The following RGS6 variants were observed in gnomAD, a reference collection of about 807,000 sequenced individuals.
RGS6 encodes the protein regulator of G-protein signaling 6.
In RGS6, 30 loss-of-function variants were observed where a neutral mutation model predicts 78.5. The observed-to-expected ratio is 0.38, with a 90% CI of 0.29 to 0.52. The LOEUF is 0.52. RGS6 is among the 20% of genes least tolerant of loss of function. The probability of loss-of-function intolerance (pLI) is 0.85; values close to 1 mark genes in which losing one functional copy is unlikely to be tolerated. For synonymous variants in RGS6, 206 were observed against 206.0 expected (o/e 1.00, Z 0.00); for missense variants, 495 against 609.7 (o/e 0.81, Z 1.98).
In RGS6 at chr14:72,350,917, T is replaced by C. The variant is rs544423580; in HGVS notation, c.85-1178T>C. On this transcript the variant is annotated intron_variant, in intron 2 of 17. Coordinates refer to ENST00000553525, the MANE Select transcript of RGS6 (RefSeq NM_001204424.2). Reference sequence around the variant, plus strand: ...TACCTAGCACATAATAAATTTTTAATATATTTTAGCTATTTATGATGATGA... The same window carrying C: ...TACCTAGCACATAATAAATTTTTAACATATTTTAGCTATTTATGATGATGA... Among the ~76,000 whole-genome samples, 7 of 152,326 alleles carry C rather than the reference T, an allele frequency of 4.6e-5. No individual in the cohort carries two copies. The South Asian group carries it at 6.2e-4, about 14-fold the overall frequency.
At chr14:72,351,089 T>G (rs2079034624) in intron 2 of RGS6, among the ~76,000 whole-genome samples, 1 of 152,136 alleles carries the variant, frequency 6.6e-6, no homozygotes. Flanking sequence ...TAAGACTAAT[T>G]TCTAGCCTTA....
chr14:72,347,588 TC>T (rs558412044), intron 2 of RGS6, among the ~76,000 whole-genome samples: 61 of 152,190 alleles, frequency 4.0e-4, no homozygotes, highest in Non-Finnish European at 8.5e-4. Flanking sequence ...GATATAATAA[TC>T]TACCTCCTGT....
chr14:72,273,546 T>C (rs1026336552), intron 2 of RGS6, among the ~76,000 whole-genome samples: 1 of 152,172 alleles, frequency 6.6e-6, no homozygotes, highest in Non-Finnish European at 1.5e-5. Flanking sequence ...TGTTGAATAG[T>C]GCAAGGGCCC....
At chr14:71,948,182 T>G (rs2091811913) in intron 1 of RGS6, among the ~76,000 whole-genome samples, 1 of 151,040 alleles carries the variant, frequency 6.6e-6, no homozygotes, top group African/African-American at 2.5e-5. Flanking sequence ...TCACTAATAT[T>G]TCTACCCTCA....
At chr14:72,434,031 G>C (rs562472748) in intron 3 of RGS6, among the ~76,000 whole-genome samples, 2 of 152,190 alleles carry the variant, frequency 1.3e-5, no homozygotes, top group African/African-American at 4.8e-5. Flanking sequence ...AAATTCCAAC[G>C]TGTCCGTTAA....
chr14:72,500,476 G>C (rs1052903003), intron 13 of RGS6, among the ~76,000 whole-genome samples: 3 of 152,210 alleles, frequency 2.0e-5, no homozygotes, highest in Non-Finnish European at 4.4e-5. Flanking sequence ...AAATAATTGA[G>C]TCACTTTCTC....
the RGS6 span, among the ~76,000 whole-genome samples, chr14:71,921,254 A>G: frequency 6.6e-6 from 1 of 152,238 alleles, no homozygotes; most frequent in East Asian, 1.9e-4. Flanking sequence ...GTTGGTAGTA[A>G]TGTAAATTAG....
intron 14 of RGS6, among the ~76,000 whole-genome samples, chr14:72,517,567 C>A (rs1352210112): frequency 6.6e-6 from 1 of 152,198 alleles, no homozygotes; most frequent in African/African-American, 2.4e-5. Flanking sequence ...GAAGGAGAAC[C>A]ATTCTGCAGA....
intron 3 of RGS6, among the ~76,000 whole-genome samples, chr14:72,388,987 A>G (rs77093138): frequency 1.6e-4 from 25 of 152,244 alleles, no homozygotes; most frequent in Admixed American, 3.9e-4. Flanking sequence ...CTGTGATGTC[A>G]CATGCCTCAT....
At chr14:72,434,031 G>A (rs562472748) in intron 3 of RGS6, among the ~76,000 whole-genome samples, 12 of 152,308 alleles carry the variant, frequency 7.9e-5, no homozygotes, top group African/African-American at 2.2e-4. Context: ...AAATTCCAAC[G>A]TGTCCGTTAA....
At chr14:72,577,913 C>G in the RGS6 span, among the ~76,000 whole-genome samples, 1 of 152,220 alleles carries the variant, frequency 6.6e-6, no homozygotes, top group Non-Finnish European at 1.5e-5. Context: ...AAAGGAAGAT[C>G]AGAAGTAAGA....
At chr14:72,274,216 A>G (rs894701730) in intron 2 of RGS6, among the ~76,000 whole-genome samples, 1 of 152,206 alleles carries the variant, frequency 6.6e-6, no homozygotes, top group African/African-American at 2.4e-5. Flanking sequence ...TTCTGGCACT[A>G]TTCATCATTG....
At chr14:72,539,721 G>C (rs996855713) in intron 16 of RGS6, among the ~76,000 whole-genome samples, 2 of 152,172 alleles carry the variant, frequency 1.3e-5, no homozygotes, top group East Asian at 3.9e-4. Flanking sequence ...CAAACCCACC[G>C]ACTGTGGTCC....
intron 2 of RGS6, among the ~76,000 whole-genome samples, chr14:72,325,070 T>A (rs556068701): frequency 6.6e-6 from 1 of 152,336 alleles, no homozygotes; most frequent in East Asian, 1.9e-4. Context: ...AGATGGTATC[T>A]CATTGTGGTT....
At chr14:72,208,461 C>G (rs184434453) in intron 2 of RGS6, among the ~76,000 whole-genome samples, 39 of 152,308 alleles carry the variant, frequency 2.6e-4, no homozygotes, top group African/African-American at 8.7e-4. Context: ...CTGTCACTTA[C>G]AACCCAGAGT....
chr14:72,559,219 G>A (rs1043908545), intron 17 of RGS6, among the ~76,000 whole-genome samples: 2 of 152,166 alleles, frequency 1.3e-5, no homozygotes, highest in African/African-American at 2.4e-5. Flanking sequence ...CGGATTCCTC[G>A]GGAGCTTCCT....
intron 13 of RGS6, among the ~76,000 whole-genome samples, chr14:72,501,919 G>A (rs976829774): frequency 3.3e-5 from 5 of 152,202 alleles, no homozygotes; most frequent in South Asian, 2.1e-4. Context: ...CATGCACAGC[G>A]AGTTTGACAG....
chr14:72,197,730 A>G (rs1047780501), intron 2 of RGS6, among the ~76,000 whole-genome samples: 1 of 152,116 alleles, frequency 6.6e-6, no homozygotes, highest in African/African-American at 2.4e-5. Flanking sequence ...TTTCAGCTGG[A>G]GGTCAGCTGG....
At chr14:72,577,007 A>G in the RGS6 span, among the ~76,000 whole-genome samples, 1 of 152,162 alleles carries the variant, frequency 6.6e-6, no homozygotes, top group East Asian at 1.9e-4. Flanking sequence ...TGCAATCTGT[A>G]TAGTGAGGCT....
Sources: allele counts gnomAD v4.1 joint callset (sites outside exome capture counted in the v4.1 genomes callset), GRCh38; gene constraint gnomAD v4.1.1; transcripts MANE v1.5; gene names NCBI Gene and HGNC (gene_info 2026-07-23, HGNC 2026-07-21).